ANKS1B: variants seen among roughly 807,000 people sequenced by gnomAD.
ANKS1B encodes the protein ankyrin repeat and sterile alpha motif domain containing 1B.
Under a neutral mutation model 148.3 loss-of-function variants are expected in ANKS1B, and 36 were observed. The observed-to-expected ratio is 0.24, with a 90% CI of 0.19 to 0.32. The LOEUF is 0.32. Among genes scored for constraint, ANKS1B ranks in the 10% least tolerant of loss-of-function variants. The pLI is 1.00. For synonymous variants in ANKS1B, 542 were observed against 560.8 expected (o/e 0.97, Z 0.47); for missense variants, 1,157 against 1,542.6 (o/e 0.75, Z 4.19).
intron 1 of ANKS1B, among the ~76,000 whole-genome samples, chr12:99,936,716 C>T (rs1294132589): frequency 6.6e-6 from 1 of 152,142 alleles, no homozygotes; most frequent in East Asian, 1.9e-4. Flanking sequence ...TAAGGTCCTC[C>T]TCACTCCACA....
At chr12:99,955,328 A>C (rs1259866693) in intron 1 of ANKS1B, among the ~76,000 whole-genome samples, 3 of 151,756 alleles carry the variant, frequency 2.0e-5, no homozygotes, top group Admixed American at 6.6e-5. Flanking sequence ...CCCCGTCTCT[A>C]CTAAAAATAC....
intron 17 of ANKS1B, among the ~76,000 whole-genome samples, chr12:98,981,663 G>T (rs886459804): frequency 6.6e-6 from 1 of 152,168 alleles, no homozygotes; most frequent in Non-Finnish European, 1.5e-5. Flanking sequence ...TGGGAGGTTA[G>T]GGACAAATTT....
chr12:98,973,689 A>G (rs2099885913), intron 17 of ANKS1B, among the ~76,000 whole-genome samples: 1 of 152,234 alleles, frequency 6.6e-6, no homozygotes, highest in South Asian at 2.1e-4. Flanking sequence ...ACAAGGTATT[A>G]CCGTGCTTGT....
chr12:98,780,998 G>C (rs2098729703), intron 24 of ANKS1B, 119 bp downstream of exon 24: 2 of 635,386 alleles, frequency 3.1e-6, no homozygotes, highest in African/African-American at 3.7e-5. Context: ...AAGCATGAAG[G>C]TTGGGGGAAA....
chr12:98,978,507 T>C (rs1341564020), intron 17 of ANKS1B, among the ~76,000 whole-genome samples: 1 of 152,174 alleles, frequency 6.6e-6, no homozygotes, highest in Non-Finnish European at 1.5e-5. Flanking sequence ...TGTGTGTTTA[T>C]CTTGCTTGAG....
At chr12:98,912,944 GT>G (rs1247207163) in intron 17 of ANKS1B, among the ~76,000 whole-genome samples, 10 of 152,072 alleles carry the variant, frequency 6.6e-5, no homozygotes, top group African/African-American at 2.4e-5. Context: ...GCCTAGAGTT[GT>G]TTTTATTTGA....
intron 8 of ANKS1B, chr12:99,706,672 T>C (rs1227283625): frequency 6.6e-6 from 1 of 152,134 alleles, no homozygotes; most frequent in East Asian, 1.9e-4. Flanking sequence ...GTTAATTCCA[T>C]AGTTATGTCA....
chr12:99,660,522 C>T (rs1162235007), intron 8 of ANKS1B, among the ~76,000 whole-genome samples: 1 of 151,844 alleles, frequency 6.6e-6, no homozygotes, highest in East Asian at 1.9e-4. Context: ...CACCATCACA[C>T]CTAATTTTTT....
At chr12:98,915,696 C>G (rs2099793406) in intron 17 of ANKS1B, among the ~76,000 whole-genome samples, 1 of 152,118 alleles carries the variant, frequency 6.6e-6, no homozygotes, top group Admixed American at 6.6e-5. Flanking sequence ...GGGTGTGTTA[C>G]TTTATCACTA....
At chr12:98,986,392 T>A (rs949882786) in intron 17 of ANKS1B, among the ~76,000 whole-genome samples, 1 of 152,198 alleles carries the variant, frequency 6.6e-6, no homozygotes, top group African/African-American at 2.4e-5. Context: ...TCTCATTTTT[T>A]GTCTCTTTGT....
intron 11 of ANKS1B, among the ~76,000 whole-genome samples, chr12:99,413,905 C>T (rs1033523208): frequency 6.6e-6 from 1 of 151,986 alleles, no homozygotes; most frequent in Non-Finnish European, 1.5e-5. Flanking sequence ...ATAACAAGGG[C>T]CCTCACCCGG....
intron 10 of ANKS1B, among the ~76,000 whole-genome samples, chr12:99,496,039 A>G (rs759895629): frequency 2.6e-5 from 4 of 151,694 alleles, no homozygotes; most frequent in Non-Finnish European, 4.4e-5. Context: ...GACCCACACT[A>G]TCTTGGCATG....
intron 1 of ANKS1B, among the ~76,000 whole-genome samples, chr12:99,900,517 A>C (rs1293785626): frequency 8.6e-5 from 13 of 151,354 alleles, no homozygotes; most frequent in Admixed American, 8.5e-4. Flanking sequence ...AAAAAAAAAA[A>C]AAAAAAAAAA....
intron 1 of ANKS1B, among the ~76,000 whole-genome samples, chr12:99,911,272 G>A (rs952536194): frequency 3.9e-5 from 6 of 152,150 alleles, no homozygotes; most frequent in Non-Finnish European, 8.8e-5. Context: ...GCATCTAACA[G>A]AGTAGGAAAA....
chr12:99,040,497 G>A (rs999471152), intron 17 of ANKS1B, among the ~76,000 whole-genome samples: 1 of 152,140 alleles, frequency 6.6e-6, no homozygotes, highest in Non-Finnish European at 1.5e-5. Flanking sequence ...TCATTCTGTT[G>A]TTAAACGTAT....
intron 1 of ANKS1B, among the ~76,000 whole-genome samples, chr12:99,959,018 T>C (rs1370365213): frequency 6.6e-6 from 1 of 151,526 alleles, no homozygotes; most frequent in Admixed American, 6.6e-5. Flanking sequence ...TCGGGTAGAT[T>C]TTGGAGAATA....
chr12:99,679,487 T>C (rs2098601680), intron 8 of ANKS1B, among the ~76,000 whole-genome samples: 1 of 152,062 alleles, frequency 6.6e-6, no homozygotes, highest in Non-Finnish European at 1.5e-5. Context: ...TTTTTTTATT[T>C]TTTGTAGAAA....
chr12:98,860,883 T>TA (rs1048192271), intron 17 of ANKS1B, among the ~76,000 whole-genome samples: 30 of 151,904 alleles, frequency 2.0e-4, no homozygotes, highest in Middle Eastern at 3.4e-3. Flanking sequence ...AAACTAAAAT[T>TA]AAAAAAAAGA....
intron 8 of ANKS1B, chr12:99,772,648 CACAACA>C (rs767613785): frequency 8.2e-6 from 2 of 244,654 alleles, no homozygotes; most frequent in Non-Finnish European, 1.6e-5. Context: ...ACTAAAGGAA[CACAACA>C]ACAACAACAA....
Sources: gnomAD v4.1 joint callset for allele counts (sites outside exome capture counted in the v4.1 genomes callset) on GRCh38, gnomAD v4.1.1 for gene constraint, MANE v1.5 for transcripts, NCBI Gene and HGNC (gene_info 2026-07-23, HGNC 2026-07-21) for gene names.